Variants in AUTS2 observed in about 807,000 individuals in gnomAD.
AUTS2 encodes autism susceptibility gene 2 protein.
A neutral mutation model predicts 112.4 loss-of-function variants in AUTS2; 17 were observed. That is an observed-to-expected ratio of 0.15 (90% CI 0.10 to 0.23). AUTS2 has a LOEUF of 0.23. AUTS2 is among the 10% of genes least tolerant of loss of function. The probability of loss-of-function intolerance (pLI) is 1.00; values close to 1 mark genes in which losing one functional copy is unlikely to be tolerated. For synonymous variants in AUTS2, 751 were observed against 702.7 expected (o/e 1.07, Z -1.09); for missense variants, 1,510 against 1,701.6 (o/e 0.89, Z 1.98).
At chr7:69,656,565 T>G (rs547632696) in intron 1 of AUTS2, among the ~76,000 whole-genome samples, 2 of 152,334 alleles carry the variant, frequency 1.3e-5, no homozygotes, top group South Asian at 4.1e-4. Flanking sequence ...TTTTTTGATT[T>G]AATCACCCAA....
At chr7:69,716,655 T>C (rs973820501) in intron 1 of AUTS2, among the ~76,000 whole-genome samples, 1 of 152,194 alleles carries the variant, frequency 6.6e-6, no homozygotes, top group Admixed American at 6.5e-5. Flanking sequence ...GGAGATAGTA[T>C]CAGATCTCAC....
Position 70,790,424 on chromosome 7 carries a change from C to T in AUTS2, c.3208C>T (p.Pro1070Ser). The change falls in exon 19 of 19, where the codon CCC becomes TCC. Residue 1070 changes from proline to serine, a missense_variant. By Grantham distance (74) the Pro-to-Ser change is moderately conservative (BLOSUM62 -1). Coordinates refer to ENST00000342771, the MANE Select transcript of AUTS2 (RefSeq NM_015570.4). This position sits in a 1 kb window ranked among gnomAD's most constrained non-coding sequence, Gnocchi z 7.6. ...CCCGTACCCTTCTTTCCACTGGGAC[C>T]CCATCCGGGACCCCTTGAGGGATCC... is the stretch of plus-strand genomic sequence containing the variant. ...RFPYPSFHWD[P>S]IRDPLRDPYR... 3 of 1,613,022 alleles carry T rather than the reference C, an allele frequency of 1.9e-6. No homozygotes were observed. Among genetic ancestry groups the T allele is most frequent in the Non-Finnish European group, 2.5e-6 (3 of 1,179,620 alleles).
chr7:69,725,970 TTA>T (rs201868867), intron 1 of AUTS2, among the ~76,000 whole-genome samples: 1 of 148,974 alleles, frequency 6.7e-6, no homozygotes, highest in Admixed American at 6.6e-5. Context: ...AAAAGTTAGA[TTA>T]TTTTTTTTCC....
chr7:70,302,730 T>TA (rs1789276636), intron 4 of AUTS2, among the ~76,000 whole-genome samples: 2 of 152,030 alleles, frequency 1.3e-5, no homozygotes, highest in African/African-American at 2.4e-5. Context: ...ACCAAATTCT[T>TA]ACCAATTTGA....
chr7:69,670,307 A>G (rs1034736744), intron 1 of AUTS2, among the ~76,000 whole-genome samples: 4 of 152,128 alleles, frequency 2.6e-5, no homozygotes, highest in African/African-American at 9.7e-5. Flanking sequence ...TTTTTCTGAT[A>G]CTTGGGCCTT....
At chr7:69,645,061 A>G (rs1583998019) in intron 1 of AUTS2, among the ~76,000 whole-genome samples, 1 of 143,056 alleles carries the variant, frequency 7.0e-6, no homozygotes, top group South Asian at 2.2e-4. Flanking sequence ...GGCACCTACC[A>G]CCACACCCAG....
At chr7:70,570,330 G>A (rs1801886706) in intron 5 of AUTS2, among the ~76,000 whole-genome samples, 1 of 152,206 alleles carries the variant, frequency 6.6e-6, no homozygotes, top group South Asian at 2.1e-4. Context: ...CATCTTGTCT[G>A]TAGGTATTCT....
intron 5 of AUTS2, among the ~76,000 whole-genome samples, chr7:70,492,630 C>G (rs975588922): frequency 1.3e-5 from 2 of 152,168 alleles, no homozygotes; most frequent in South Asian, 2.1e-4. Flanking sequence ...ATGCAGCTAC[C>G]TAGAGACAAA....
chr7:70,540,756 C>T (rs1217361269), intron 5 of AUTS2, among the ~76,000 whole-genome samples: 1 of 152,152 alleles, frequency 6.6e-6, no homozygotes, highest in Non-Finnish European at 1.5e-5. Flanking sequence ...GGTACAACTG[C>T]CAGCACATCC....
At chr7:70,020,881 G>A (rs1339796090) in intron 2 of AUTS2, among the ~76,000 whole-genome samples, 2 of 152,026 alleles carry the variant, frequency 1.3e-5, no homozygotes, top group Non-Finnish European at 1.5e-5. Flanking sequence ...ATTCTGCCTA[G>A]GCTAGTCTTG....
In AUTS2 at chr7:70,631,271, TG is replaced by T. The variant is rs904184720; in HGVS notation, c.691-67294del. ...GTGAGTTAATACTTTACAGCAGGGC[TG>T]GGGCCCGGCTTGCTGCGGGCTGGCC... On this transcript the variant is annotated intron_variant, in intron 5 of 18. Coordinates refer to ENST00000342771, the MANE Select transcript of AUTS2 (RefSeq NM_015570.4). This position sits in a 1 kb window ranked among gnomAD's most constrained non-coding sequence, Gnocchi z 4.5. 7.7e-4 allele frequency among the ~76,000 whole-genome samples: 117 copies of T among 152,282 alleles called. No homozygotes were observed. The highest frequency in any genetic ancestry group is 2.6e-3 in the African/African-American group (109 of 41,574).
chr7:70,581,737 T>C (rs1215534624), intron 5 of AUTS2, among the ~76,000 whole-genome samples: 1 of 152,192 alleles, frequency 6.6e-6, no homozygotes, highest in Non-Finnish European at 1.5e-5. Flanking sequence ...TCACCAAGGT[T>C]TGGGGAGCCT....
intron 4 of AUTS2, chr7:70,290,513 G>A (rs554145809): frequency 4.6e-5 from 71 of 1,537,162 alleles, no homozygotes; most frequent in East Asian, 1.7e-4. Flanking sequence ...TTCTAGTTCC[G>A]TTTGGTGTGG....
intron 1 of AUTS2, among the ~76,000 whole-genome samples, chr7:69,783,617 G>C (rs528219639): frequency 6.6e-6 from 1 of 152,080 alleles, no homozygotes; most frequent in African/African-American, 2.4e-5. Context: ...AGGACTTCCT[G>C]TGAAATAAAA....
rs75809174 is a variant in AUTS2, at chr7:70,563,938, A to G, written c.690+128157A>G. On this transcript the variant is annotated intron_variant, in intron 5 of 18. Coordinates refer to ENST00000342771, the MANE Select transcript of AUTS2 (RefSeq NM_015570.4). ...CTCACCCTTGAAAAAATCAAAATGC[A>G]TATGGATTTTCTGAAATAAGCCCCT... Among the ~76,000 whole-genome samples, 1,338 of 152,314 alleles carry G rather than the reference A, an allele frequency of 8.8e-3. 26 individuals carry two copies. The highest frequency in any genetic ancestry group is 0.075 in the East Asian group (389 of 5,186).
chr7:70,764,257 A>T (rs1183102241), intron 7 of AUTS2, among the ~76,000 whole-genome samples: 1 of 152,096 alleles, frequency 6.6e-6, no homozygotes, highest in African/African-American at 2.4e-5. Context: ...TGTGGCCTCC[A>T]GACCATAAAG....
Position 70,398,034 on chromosome 7 carries a change from C to T in AUTS2, c.661-37718C>T, listed in dbSNP as rs563796415. On this transcript the variant is annotated intron_variant, in intron 4 of 18. Coordinates refer to ENST00000342771, the MANE Select transcript of AUTS2 (RefSeq NM_015570.4). ...TTGCTTATGGATATTAAAGTGTTCC[C>T]GCACTGCTTATTGAAAAGGTTATGC... 1.6e-4 allele frequency among the ~76,000 whole-genome samples: 25 copies of T among 152,164 alleles called. 1 individual carries two copies. The highest frequency in any genetic ancestry group is 1.2e-3 in the Admixed American group (18 of 15,276).
At chr7:69,804,611 T>C (rs1481803704) in intron 1 of AUTS2, among the ~76,000 whole-genome samples, 5 of 152,218 alleles carry the variant, frequency 3.3e-5, no homozygotes, top group African/African-American at 9.6e-5. Context: ...ATTCTCCTGA[T>C]CTATTAGTTT....
At chr7:70,362,121 A>G (rs536230465) in intron 4 of AUTS2, among the ~76,000 whole-genome samples, 5 of 152,338 alleles carry the variant, frequency 3.3e-5, no homozygotes, top group African/African-American at 1.2e-4. Flanking sequence ...CTTCATTGAT[A>G]GAGCACTGTC....
Sources: gnomAD v4.1 joint callset for allele counts (sites outside exome capture counted in the v4.1 genomes callset) on GRCh38, gnomAD v4.1.1 for gene constraint, Gnocchi (gnomAD v3.1) non-coding constraint, MANE v1.5 for transcripts, NCBI Gene and HGNC (gene_info 2026-07-23, HGNC 2026-07-21) for gene names.